The following CSMD1 variants were observed in gnomAD, a reference collection of about 807,000 sequenced individuals.
CSMD1 encodes CUB and Sushi multiple domains 1.
CSMD1 carries 213 observed loss-of-function variants against 417.5 expected under a neutral mutation model. The ratio of observed to expected loss-of-function variants is 0.51; its 90% CI spans 0.46 to 0.57. CSMD1 has a LOEUF of 0.57. Ranked by LOEUF, CSMD1 falls within the 20% of genes least tolerant of loss-of-function variation. The pLI is 0.00. For synonymous variants in CSMD1, 2,862 were observed against 1,736.8 expected (o/e 1.65, Z -16.11); for missense variants, 6,923 against 4,529.7 (o/e 1.53, Z -15.17).
At chr8:3,861,046 G>T (rs894705479) in intron 5 of CSMD1, among the ~76,000 whole-genome samples, 3 of 152,118 alleles carry the variant, frequency 2.0e-5, no homozygotes, top group African/African-American at 7.2e-5. Flanking sequence ...CTCTTAATTT[G>T]CTCCTCTCCC....
At chr8:3,826,268 C>T (rs905358815) in intron 5 of CSMD1, among the ~76,000 whole-genome samples, 1 of 152,016 alleles carries the variant, frequency 6.6e-6, no homozygotes, top group South Asian at 2.1e-4. Context: ...ACGGGTCACC[C>T]AAAAATACCA....
At chr8:4,262,377 A>G (rs1057270100) in intron 3 of CSMD1, among the ~76,000 whole-genome samples, 3 of 152,204 alleles carry the variant, frequency 2.0e-5, no homozygotes, top group Non-Finnish European at 4.4e-5. Flanking sequence ...AGCAGGCTGA[A>G]AGGAATCCCA....
At chr8:4,510,985 C>G (rs917937192) in intron 2 of CSMD1, among the ~76,000 whole-genome samples, 3 of 151,714 alleles carry the variant, frequency 2.0e-5, no homozygotes, top group African/African-American at 7.3e-5. Flanking sequence ...TTGACAATCT[C>G]TAAGGAATGA....
chr8:4,767,997 C>A (rs1474421031), intron 1 of CSMD1, among the ~76,000 whole-genome samples: 3 of 152,086 alleles, frequency 2.0e-5, no homozygotes, highest in African/African-American at 7.2e-5. Context: ...GCATGGTGGG[C>A]ATTCAATTCA....
rs1254953499 is a variant in CSMD1 at position 3,643,564 on chromosome 8, G to A, written c.1010-26767C>T. On this transcript the variant is annotated intron_variant, in intron 7 of 69. Transcript: ENST00000635120. ...AAAAATACAAAAATTGGCCGGGCGT[G>A]GTGGCGGGCGCCTGTAGTCCCAACT... 3.9e-5 allele frequency among the ~76,000 whole-genome samples: 6 copies of A among 152,132 alleles called. No homozygotes were observed. In the Middle Eastern group the frequency reaches 0.01, roughly 259 times the overall value.
chr8:3,658,056 C>T (rs1051841019), intron 7 of CSMD1, among the ~76,000 whole-genome samples: 2 of 152,080 alleles, frequency 1.3e-5, no homozygotes, highest in African/African-American at 2.4e-5. Context: ...AGCATAACAG[C>T]GTCAGCCCAG....
At chr8:4,174,042 T>A (rs115652769) in intron 3 of CSMD1, among the ~76,000 whole-genome samples, 1 of 152,142 alleles carries the variant, frequency 6.6e-6, no homozygotes, top group Admixed American at 6.5e-5. Context: ...CCTGAGTTCA[T>A]TGGTTTAGGC....
chr8:4,477,216 G>A (rs1563216311), intron 2 of CSMD1, among the ~76,000 whole-genome samples: 1 of 152,198 alleles, frequency 6.6e-6, no homozygotes, highest in Non-Finnish European at 1.5e-5. Flanking sequence ...CCAGGTGAGA[G>A]GGCTCCCAGT....
rs35090952 is a variant in CSMD1 at position 3,182,578 on chromosome 8, CTGTGTGTGTGTGTGTGTGTGTGTGTGTG to C, written c.5621-1392_5621-1365del. 8.2e-4 allele frequency among the ~76,000 whole-genome samples: 77 copies of C among 94,166 alleles called. 4 individuals carry two copies. Among genetic ancestry groups the C allele is most frequent in the East Asian group, 1.4e-3 (4 of 2,810 alleles). 61.8% of individuals were successfully genotyped at this position (94,166 alleles called of 152,430 possible). A position where few individuals can be genotyped will look rare whatever the true frequency, so the allele number is the denominator to read the frequency against. ...ACTCTGGCTGTCTTTTTATAAGAAG[CTGTGTGTGTGTGTGTGTGTGTGTGTGTG>C]TGTGTGTGTGTGTGTGTGTGTGTGT... On this transcript the variant is annotated intron_variant, in intron 36 of 69. Transcript: ENST00000635120.
intron 26 of CSMD1, among the ~76,000 whole-genome samples, chr8:3,249,688 T>A (rs1800130496): frequency 1.3e-5 from 2 of 152,204 alleles, no homozygotes; most frequent in South Asian, 4.1e-4. Flanking sequence ...AATGTAAATT[T>A]TGAGTGAAAA....
At chr8:3,259,962 TGA>T (rs1800933730) in intron 26 of CSMD1, among the ~76,000 whole-genome samples, 1 of 152,228 alleles carries the variant, frequency 6.6e-6, no homozygotes, top group Non-Finnish European at 1.5e-5. Flanking sequence ...GCCACAGAGC[TGA>T]GGACCTGCCT....
chr8:3,817,834 A>G (rs970123382), intron 5 of CSMD1, among the ~76,000 whole-genome samples: 2 of 152,118 alleles, frequency 1.3e-5, no homozygotes, highest in African/African-American at 2.4e-5. Context: ...CACCAAGTCC[A>G]GCTTTCCCAG....
intron 12 of CSMD1, among the ~76,000 whole-genome samples, chr8:3,435,824 G>C (rs1335138497): frequency 6.6e-6 from 1 of 152,174 alleles, no homozygotes; most frequent in Admixed American, 6.5e-5. Flanking sequence ...AGTGACAAGA[G>C]AAACATGGCA....
intron 3 of CSMD1, among the ~76,000 whole-genome samples, chr8:4,362,571 C>T (rs1425063503): frequency 1.3e-5 from 2 of 152,118 alleles, no homozygotes; most frequent in East Asian, 1.9e-4. Flanking sequence ...AATATAGCCC[C>T]GTGAAGTGTA....
At chr8:3,738,064 G>A (rs1420929910) in intron 6 of CSMD1, among the ~76,000 whole-genome samples, 1 of 152,186 alleles carries the variant, frequency 6.6e-6, no homozygotes, top group Non-Finnish European at 1.5e-5. Context: ...AAACACTAAT[G>A]TAAATGATTA....
chr8:3,809,060 C>G (rs11774223), intron 5 of CSMD1, among the ~76,000 whole-genome samples: 2 of 151,986 alleles, frequency 1.3e-5, no homozygotes, highest in Non-Finnish European at 2.9e-5. Flanking sequence ...CCAACAGCCC[C>G]TGGGGAATCA....
At chr8:4,918,496 C>T (rs1055732206) in intron 1 of CSMD1, among the ~76,000 whole-genome samples, 32 of 151,808 alleles carry the variant, frequency 2.1e-4, no homozygotes, top group African/African-American at 7.5e-4. Flanking sequence ...TATGTCTGCT[C>T]CAATATTTAT....
At chr8:3,214,750 T>A (rs570480615) in intron 29 of CSMD1, 59 bp from the exon 30 acceptor site, 1 of 1,407,262 alleles carries the variant, frequency 7.1e-7, no homozygotes, top group African/African-American at 1.4e-5. Context: ...TGTTTGTGTT[T>A]TTGTTTGTTG....
At chr8:3,013,981 C>G (rs1339184916) in intron 52 of CSMD1, among the ~76,000 whole-genome samples, 1 of 152,132 alleles carries the variant, frequency 6.6e-6, no homozygotes, top group Admixed American at 6.6e-5. Flanking sequence ...TTACCCAAAA[C>G]TCCCAAGTTC....
Sources: allele counts gnomAD v4.1 joint callset (sites outside exome capture counted in the v4.1 genomes callset), GRCh38; gene constraint gnomAD v4.1.1; transcripts MANE v1.5; gene names NCBI Gene and HGNC (gene_info 2026-07-23, HGNC 2026-07-21).